TTN: variants seen among roughly 807,000 people sequenced by gnomAD.
TTN encodes the protein titin.
TTN carries 1,525 observed loss-of-function variants against 3,223.0 expected under a neutral mutation model. The observed-to-expected ratio is 0.47, with a 90% CI of 0.45 to 0.49. The LOEUF (loss-of-function observed/expected upper bound fraction) is 0.49. Among genes scored for constraint, TTN ranks in the 20% least tolerant of loss-of-function variants. The pLI is 0.00. For synonymous variants in TTN, 14,094 were observed against 15,161.0 expected, an observed-to-expected ratio of 0.93 and a Z score of 5.17; for missense variants, 40,786 against 43,424.0, an observed-to-expected ratio of 0.94 and a Z score of 5.40.
Position 178,707,072 on chromosome 2 carries a change from C to A in TTN, c.29042-118G>T. 3.6e-6 allele frequency: 3 copies of A among 829,562 alleles called. No individual in the cohort carries two copies. In the South Asian group the frequency reaches 5.9e-5, roughly 16 times the overall value. The allele number at this position is 829,562 out of a possible 1,614,324, so 51.4% of individuals were successfully genotyped here. On this transcript the variant is annotated intron_variant, in intron 100 of 362. Coordinates refer to ENST00000589042, the MANE Select transcript of TTN (RefSeq NM_001267550.2). ...TTTGATAAGTAAGTACTGCAGAATTCTCTTTCTATGTAAGGGTGGGTTACA... is the reference window on the plus strand; with the variant it reads ...TTTGATAAGTAAGTACTGCAGAATTATCTTTCTATGTAAGGGTGGGTTACA...
rs1264084790 is a variant in TTN at position 178,593,649 on chromosome 2, T to C, written c.58651A>G (p.Ile19551Val). 2 of 1,613,026 alleles carry C rather than the reference T, an allele frequency of 1.2e-6. No homozygotes were observed. Among genetic ancestry groups the C allele is most frequent in the East Asian group, 4.5e-5 (2 of 44,636 alleles). ...AGATTTTCAGCATGTATCCGGAAAA[T>C]ATAATCTTTTCCTTCAAGTAGTTTA... ...VSKLLEGKDY[I>V]FRIHAENLYG... is the part of the protein sequence containing the mutation. Residue 19551 changes from isoleucine to valine, a missense_variant, in exon 298 of 363, where the codon ATT becomes GTT. Physicochemically the swap from Ile to Val is conservative, Grantham distance 29. Coordinates refer to ENST00000589042, the MANE Select transcript of TTN (RefSeq NM_001267550.2).
Position 178,597,934 on chromosome 2 carries a change from T to A in TTN, c.57236A>T (p.Asp19079Val). ...AGIGEPGEVT[D>V]VIEMKDRLVS... ...AAGTCTGTCCTTCATTTCAATGACA[T>A]CTGTGACCTCTCCAGGTTCTCCAAT... The change falls in exon 293 of 363, where the codon GAT (aspartate) becomes GTT (valine). Residue 19079 changes from aspartate (D) to valine (V), a missense_variant. Asp to Val is a radical substitution (Grantham distance 152). Coordinates refer to ENST00000589042, the MANE Select transcript of TTN (RefSeq NM_001267550.2). The A allele has an allele frequency of 6.2e-7, 1 of 1,613,398 alleles. No individual in the cohort carries two copies. The highest frequency in any genetic ancestry group is 8.5e-7 in the Non-Finnish European group (1 of 1,179,590).
rs753639460 is a variant in TTN at position 178,775,715 on chromosome 2, T to C, written c.6149A>G (p.Lys2050Arg). 6.2e-7 allele frequency: 1 copy of C among 1,614,042 alleles called. No individual in the cohort carries two copies. The highest frequency in any genetic ancestry group is 1.3e-5 in the African/African-American group (1 of 74,926). The change falls in exon 28 of 363, where the codon AAG (lysine) becomes AGG (arginine). Residue 2050 changes from lysine to arginine, a missense_variant. By Grantham distance (26) the Lys-to-Arg change is conservative (BLOSUM62 2). Transcript: ENST00000589042. ...TTTGCCTTCTTCGGCAAGAGCTTTC[T>C]TTTCCTCTTCAGTTAACTCTTTGGT... ...HWTKELTEEE[K>R]KALAEEGKIT...
At chr2:178,799,131 C>T (rs976442933) in intron 6 of TTN, 1 of 279,698 alleles carries the variant, frequency 3.6e-6, no homozygotes, top group South Asian at 4.6e-5. Context: ...AAGAGAAGTG[C>T]GTGGTCCCTA....
At chr2:178,699,868 C>G (rs1334668651) in intron 111 of TTN, among the ~76,000 whole-genome samples, 1 of 150,764 alleles carries the variant, frequency 6.6e-6, no homozygotes. Context: ...GCTGGGACTA[C>G]AGGTGCCCAC....
chr2:178,565,262 C>T lies in TTN; in HGVS notation c.80870G>A (p.Ser26957Asn). 1 of 1,613,680 alleles carries T rather than the reference C, an allele frequency of 6.2e-7. No homozygotes were observed. Among genetic ancestry groups the T allele is most frequent in the Admixed American group, 1.7e-5 (1 of 59,988 alleles). The change falls in exon 326 of 363, where the codon AGT becomes AAT. Residue 26957 changes from serine to asparagine, a missense_variant. Coordinates refer to ENST00000589042, the MANE Select transcript of TTN (RefSeq NM_001267550.2). ...GAGATTTTCTGTTGCTGTGCCTGCA[C>T]TATTTGTTGCCGTTACGGTGTATTT... Reference protein sequence around the residue: ...FGKYTVTATNSAGTATENLSV... With the variant: ...FGKYTVTATNNAGTATENLSV...
At chr2:178,722,238 A>AAG in intron 77 of TTN, 21 bp downstream of exon 77, 1 of 1,539,682 alleles carries the variant, frequency 6.5e-7, no homozygotes, top group South Asian at 1.3e-5. Context: ...TGCAAAGAAA[A>AAG]AGAGTGACGT....
rs2071899346 is a variant in TTN at position 178,689,873 on chromosome 2, C to T, written c.31786G>A (p.Val10596Ile). 1 of 1,613,438 alleles carries T rather than the reference C, an allele frequency of 6.2e-7. No homozygotes were observed. The highest frequency in any genetic ancestry group is 2.2e-5 in the East Asian group (1 of 44,854). Residue 10596 changes from valine (V) to isoleucine (I), a missense_variant, in exon 122 of 363, where the codon GTC (valine) becomes ATC (isoleucine). Val to Ile is a conservative substitution (Grantham distance 29). Transcript: ENST00000589042. The part of the protein sequence containing the change: ...PKVPEVPKKP[V>I]PEEKIPVPVA... ...GGAACGGGAATCTTTTCTTCAGGGACAGGTTTCTTTGGCACCTCTGGGACT... is the reference window on the plus strand; with the variant it reads ...GGAACGGGAATCTTTTCTTCAGGGATAGGTTTCTTTGGCACCTCTGGGACT...
intron 78 of TTN, 106 bp from the exon 79 acceptor site, chr2:178,721,308 T>G: frequency 1.0e-6 from 1 of 979,300 alleles, no homozygotes; most frequent in Non-Finnish European, 1.4e-6. Flanking sequence ...AACTGGTTTG[T>G]TATTAAGAAT....
At position 178,734,573 on chromosome 2, in the gene TTN, G is replaced by T. The variant is rs748125393; in HGVS notation, c.15251C>A (p.Ala5084Glu). 6 of 1,585,880 alleles carry T rather than the reference G, an allele frequency of 3.8e-6. No individual in the cohort carries two copies. Among genetic ancestry groups the T allele is most frequent in the Non-Finnish European group, 3.4e-6 (4 of 1,165,490 alleles). The change falls in exon 52 of 363, where the codon GCA (alanine) becomes GAA (glutamate). Residue 5084 changes from alanine (A) to glutamate (E), a missense_variant. Coordinates refer to ENST00000589042, the MANE Select transcript of TTN (RefSeq NM_001267550.2). ...AGCATTTGTTCCTCTCACTATGTCTGCAGGCTCAAGAGTTTTGATGAAAGA... is the reference window on the plus strand; with the variant it reads ...AGCATTTGTTCCTCTCACTATGTCTTCAGGCTCAAGAGTTTTGATGAAAGA... Reference protein sequence around the residue: ...PPSFIKTLEPADIVRGTNALL... With the variant: ...PPSFIKTLEPEDIVRGTNALL...
chr2:178,753,534 A>T (rs2086148024), intron 46 of TTN: 1 of 178,252 alleles, frequency 5.6e-6, no homozygotes, highest in African/African-American at 2.4e-5. Flanking sequence ...ATGAAATCAC[A>T]TTTAGAAAGA....
chr2:178,770,802 G>T, intron 34 of TTN, 127 bp from the exon 35 acceptor site: 2 of 1,212,984 alleles, frequency 1.6e-6, no homozygotes, highest in South Asian at 1.2e-5. Context: ...CAGTTATGCA[G>T]CACCTCTGTT....
At chr2:178,718,280 GA>G in intron 85 of TTN, 41 bp downstream of exon 85, 1 of 1,598,204 alleles carries the variant, frequency 6.3e-7, no homozygotes, top group Non-Finnish European at 8.5e-7. Flanking sequence ...GAGGATGTTT[GA>G]AAAGAAAGAG....
At position 178,786,154 on chromosome 2, in the gene TTN, T is replaced by C. The variant is rs2093162676; in HGVS notation, c.2077-13A>G. ...TTCCAACGTCCACCTGGAGACAAGG[T>C]TTCCAGAATTAATACATAGGAATAT... is the stretch of plus-strand genomic sequence containing the variant. On this transcript the variant is annotated splice_polypyrimidine_tract_variant and intron_variant, in intron 13 of 362. Transcript: ENST00000589042. The C allele has an allele frequency of 6.2e-7, 1 of 1,613,030 alleles. No individual in the cohort carries two copies. Among genetic ancestry groups the C allele is most frequent in the Non-Finnish European group, 8.5e-7 (1 of 1,179,770 alleles).
rs780014505 is a variant in TTN, at chr2:178,728,517, G to C, written c.19409C>G (p.Ala6470Gly). 1.2e-6 allele frequency: 2 copies of C among 1,610,398 alleles called. No individual in the cohort carries two copies. Among genetic ancestry groups the C allele is most frequent in the Non-Finnish European group, 1.7e-6 (2 of 1,177,644 alleles). Residue 6470 changes from alanine (A) to glycine (G), a missense_variant, in exon 66 of 363, where the codon GCC becomes GGC. By Grantham distance (60) the Ala-to-Gly change is moderately conservative. Transcript: ENST00000589042. Reference sequence around the variant, plus strand: ...ATACAAACCTAGCACTCTTAAGTAGGCATCACAGCTACTGCTTCCGAAGTC... The same window carrying C: ...ATACAAACCTAGCACTCTTAAGTAGCCATCACAGCTACTGCTTCCGAAGTC... ...ENDFGSSSCD[A>G]YLRVLDQNIP...
Position 178,614,568 on chromosome 2 carries a change from C to T in TTN, c.48946G>A (p.Val16316Met). 6.2e-7 allele frequency: 1 copy of T among 1,612,378 alleles called. No homozygotes were observed. Among genetic ancestry groups the T allele is most frequent in the African/African-American group, 1.3e-5 (1 of 74,892 alleles). ...TIENVPKKSTVTIVDSKRSDT... is the reference protein window; with the variant it reads ...TIENVPKKSTMTIVDSKRSDT... ...CTTCTCTTACTATCAACAATAGTCACTGTGGATTTCTTAGGGACATTTTCA... is the reference window on the plus strand; with the variant it reads ...CTTCTCTTACTATCAACAATAGTCATTGTGGATTTCTTAGGGACATTTTCA... Residue 16316 changes from valine to methionine, a missense_variant, in exon 261 of 363, where the codon GTG (valine) becomes ATG (methionine). Physicochemically the swap from Val to Met is conservative, Grantham distance 21. Transcript: ENST00000589042.
rs1553518208 is a variant in TTN at position 178,543,666 on chromosome 2, A to G, written c.96311-4T>C. Reference sequence around the variant, plus strand: ...GAAGGACAGGGACCAGGAGTATCTGAAAAACAGAATGAAAGATTCATATTT... The same window carrying G: ...GAAGGACAGGGACCAGGAGTATCTGGAAAACAGAATGAAAGATTCATATTT... On this transcript the variant is annotated splice_region_variant and splice_polypyrimidine_tract_variant and intron_variant, in intron 346 of 362. Coordinates refer to ENST00000589042, the MANE Select transcript of TTN (RefSeq NM_001267550.2). 6.4e-7 allele frequency: 1 copy of G among 1,570,126 alleles called. No individual in the cohort carries two copies. The highest frequency in any genetic ancestry group is 1.4e-5 in the African/African-American group (1 of 73,326).
At chr2:178,622,059 G>C in intron 243 of TTN, 51 bp from the exon 244 acceptor site, 1 of 1,508,466 alleles carries the variant, frequency 6.6e-7, no homozygotes, top group Non-Finnish European at 9.0e-7. Context: ...CCTTCACACA[G>C]GTGTCCTTAA....
In TTN at chr2:178,536,298, T is replaced by G. The variant is rs762690616; in HGVS notation, c.100449A>C (p.Glu33483Asp). 1.7e-5 allele frequency: 27 copies of G among 1,613,692 alleles called. No individual in the cohort carries two copies. Among genetic ancestry groups the G allele is most frequent in the South Asian group, 8.8e-5 (8 of 91,060 alleles). Reference protein sequence around the residue: ...GGESEWSEISEPITPKSDVPI... With the variant: ...GGESEWSEISDPITPKSDVPI... Reference sequence around the variant, plus strand: ...GGACATCAGATTTGGGAGTGATGGGTTCTGATATTTCACTCCATTCACTTT... The same window carrying G: ...GGACATCAGATTTGGGAGTGATGGGGTCTGATATTTCACTCCATTCACTTT... The change falls in exon 357 of 363, where the codon GAA becomes GAC. Residue 33483 changes from glutamate (E) to aspartate (D), a missense_variant. Transcript: ENST00000589042.
Sources: gnomAD v4.1 joint callset for allele counts (sites outside exome capture counted in the v4.1 genomes callset) on GRCh38, gnomAD v4.1.1 for gene constraint, MANE v1.5 for transcripts, NCBI Gene and HGNC (gene_info 2026-07-23, HGNC 2026-07-21) for gene names.